The following GUK1 variants were observed in gnomAD, a reference collection of about 807,000 sequenced individuals.
GUK1 encodes the protein guanylate kinase.
Under a neutral mutation model 25.2 loss-of-function variants are expected in GUK1, and 18 were observed. The ratio of observed to expected loss-of-function variants is 0.71; its 90% CI spans 0.49 to 1.06. The LOEUF (loss-of-function observed/expected upper bound fraction) is 1.06, where lower values mean the gene tolerates loss of function less well. Ranked by LOEUF, GUK1 falls within the 50% of genes least tolerant of loss-of-function variation. GUK1 has a pLI of 0.00. For synonymous variants in GUK1, 105 were observed against 117.6 expected, an observed-to-expected ratio of 0.89 and a Z score of 0.69; for missense variants, 261 against 276.7, an observed-to-expected ratio of 0.94 and a Z score of 0.40.
rs528044624 is a variant in GUK1 at position 228,141,317 on chromosome 1, G to A, written c.-3+29G>A. On this transcript the variant is annotated intron_variant, in intron 2 of 8. Transcript: ENST00000312726. ...AAGGAATGTTCCTGTCCCCCCCGGG[G>A]AAAGAAAGTGAAAATGAAAGCGCCC... The A allele has an allele frequency of 3.4e-5, 32 of 954,064 alleles. No homozygotes were observed. In the African/African-American group the frequency reaches 5.3e-4, roughly 16 times the overall value. The allele number at this position is 954,064 out of a possible 1,614,324, so 59.1% of individuals were successfully genotyped here.
At chr1:228,141,618 C>T in intron 2 of GUK1, 1 of 1,135,268 alleles carries the variant, frequency 8.8e-7, no homozygotes, top group Non-Finnish European at 1.1e-6. Context: ...GGTGGTGACT[C>T]TGTTCAGTCC....
Position 228,148,673 on chromosome 1 carries a change from G to C in GUK1, c.570G>C (p.Lys190Asn), listed in dbSNP as rs1426528349. 11 of 1,590,668 alleles carry C rather than the reference G, an allele frequency of 6.9e-6. No individual in the cohort carries two copies. The highest frequency in any genetic ancestry group is 9.4e-6 in the Non-Finnish European group (11 of 1,166,614). Residue 190 changes from lysine to asparagine, a missense_variant, in exon 9 of 9, where the codon AAG (lysine) becomes AAC (asparagine). Lys to Asn is a moderately conservative substitution (Grantham distance 94). Transcript: ENST00000312726. Reference sequence around the variant, plus strand: ...TTCTTCCTCACTGGCAGGAAATCAAGAAAGCTCAAAGGACCGGCGCCTGAG... The same window carrying C: ...TTCTTCCTCACTGGCAGGAAATCAACAAAGCTCAAAGGACCGGCGCCTGAG...
rs776681463 is a variant in GUK1 at position 228,147,500 on chromosome 1, C to T, written c.346C>T (p.Arg116Trp). 18 of 1,613,098 alleles carry T rather than the reference C, an allele frequency of 1.1e-5. No individual in the cohort carries two copies. The highest frequency in any genetic ancestry group is 5.5e-5 in the South Asian group (5 of 91,084). The change falls in exon 6 of 9, where the codon CGG (arginine) becomes TGG (tryptophan). Residue 116 changes from arginine (R) to tryptophan (W), a missense_variant. Arg to Trp is a moderately radical substitution (Grantham distance 101). Coordinates refer to ENST00000312726, the MANE Select transcript of GUK1 (RefSeq NM_000858.7). ...GCGGAACATCAAGGCCACCGATCTG[C>T]GGCCCATCTACATCTCTGTGCAGCC...
Position 228,148,403 on chromosome 1 carries a change from A to C in GUK1, c.508A>C (p.Ile170Leu), listed in dbSNP as rs186238479. 6.4e-7 allele frequency: 1 copy of C among 1,558,722 alleles called. No individual in the cohort carries two copies. Among genetic ancestry groups the C allele is most frequent in the Non-Finnish European group, 8.7e-7 (1 of 1,147,874 alleles). ...GCCCGGCCTGTTTGATGTGGTCATC[A>C]TTAACGACAGCCTGGACCAGGCCTA... The change falls in exon 8 of 9, where the codon ATT becomes CTT. Residue 170 changes from isoleucine to leucine, a missense_variant. Ile to Leu is a conservative substitution (Grantham distance 5). Coordinates refer to ENST00000312726, the MANE Select transcript of GUK1 (RefSeq NM_000858.7).
chr1:228,146,152 C>A, intron 4 of GUK1, 85 bp downstream of exon 3: 1 of 874,110 alleles, frequency 1.1e-6, no homozygotes, highest in African/African-American at 1.6e-5. Flanking sequence ...CTGTGCTGCC[C>A]GTCTCCTGCC....
intron 7 of GUK1, among the ~76,000 whole-genome samples, 199 bp downstream of exon 6, chr1:228,147,898 T>C (rs1241234347): frequency 1.3e-5 from 2 of 151,658 alleles, no homozygotes; most frequent in Admixed American, 1.3e-4. Flanking sequence ...ACCAAGGGTC[T>C]CATTGAGGGT....
Position 228,147,513 on chromosome 1 carries a change from T to G in GUK1, c.359T>G (p.Ile120Ser). 6.2e-7 allele frequency: 1 copy of G among 1,613,270 alleles called. No homozygotes were observed. The highest frequency in any genetic ancestry group is 8.5e-7 in the Non-Finnish European group (1 of 1,179,942). The change falls in exon 6 of 9, where the codon ATC (isoleucine) becomes AGC (serine). Residue 120 changes from isoleucine to serine, a missense_variant. Ile to Ser is a moderately radical substitution (Grantham distance 142). Coordinates refer to ENST00000312726, the MANE Select transcript of GUK1 (RefSeq NM_000858.7). The stretch of plus-strand genomic sequence containing the variant: ...GCCACCGATCTGCGGCCCATCTACA[T>G]CTCTGTGCAGCCGCCTTCACTGCAC...
In GUK1 at chr1:228,141,204, A is replaced by C; in HGVS notation, c.-87A>C. On this transcript the variant is annotated 5_prime_UTR_variant, in exon 2 of 9. Transcript: ENST00000312726. Reference sequence around the variant, plus strand: ...CGGTTTTTCTTTCTCCCTGATGGACAGACCCAAACATAGCCGCGCAGCATC... The same window carrying C: ...CGGTTTTTCTTTCTCCCTGATGGACCGACCCAAACATAGCCGCGCAGCATC... 10 of 985,004 alleles carry C rather than the reference A, an allele frequency of 1.0e-5. No individual in the cohort carries two copies. Among genetic ancestry groups the C allele is most frequent in the Non-Finnish European group, 9.6e-6 (8 of 829,498 alleles). The allele number at this position is 985,004 out of a possible 1,614,324, so 61.0% of individuals were successfully genotyped here.
At chr1:228,148,641 A>T (rs190651170) in intron 8 of GUK1, 24 bp from the exon 8 acceptor site, 1 of 1,581,250 alleles carries the variant, frequency 6.3e-7, no homozygotes, top group Non-Finnish European at 8.6e-7. Flanking sequence ...AGCCCTCCCA[A>T]CTCCCTTTCT....
In GUK1 at chr1:228,147,294, A is replaced by G. The variant is rs1345134791; in HGVS notation, c.252-112A>G. The stretch of plus-strand genomic sequence containing the variant: ...CGGGTGCTGGGTCCAGGCCAGGCCT[A>G]GGCTCAGCTGTGGGAGGAGAACGCT... On this transcript the variant is annotated intron_variant, in intron 5 of 8. Coordinates refer to ENST00000312726, the MANE Select transcript of GUK1 (RefSeq NM_000858.7). 4 of 1,040,354 alleles carry G rather than the reference A, an allele frequency of 3.8e-6. No homozygotes were observed. The African/African-American group carries it at 6.3e-5, about 16-fold the overall frequency. 64.4% of individuals were successfully genotyped at this position (1,040,354 alleles called of 1,614,324 possible).
At chr1:228,140,089 G>T, upstream of GUK1, 2 of 545,134 alleles carry the variant, frequency 3.7e-6, no homozygotes, top group Non-Finnish European at 6.4e-6. Context: ...GGCTGGGAGG[G>T]CGCTGTGCTG....
At chr1:228,140,751 T>TG (rs1558109684) in intron 1 of GUK1, among the ~76,000 whole-genome samples, 1 of 152,182 alleles carries the variant, frequency 6.6e-6, no homozygotes, top group Admixed American at 6.5e-5. Context: ...CTGCAAGCCT[T>TG]GGGGTCCTGG....
chr1:228,145,973 G>A (rs1558113072), intron 3 of GUK1, 53 bp from the exon 3 acceptor site: 1 of 1,346,014 alleles, frequency 7.4e-7, no homozygotes, highest in Admixed American at 1.7e-5. Context: ...GAAACGCTGG[G>A]TGGGGCATTG....
In GUK1 at chr1:228,140,474, C is replaced by T. The variant is rs1178071028; in HGVS notation, c.-168+111C>T. 5.3e-6 allele frequency: 4 copies of T among 753,734 alleles called. No homozygotes were observed. The Admixed American group carries it at 1.0e-4, about 19-fold the overall frequency. The allele number at this position is 753,734 out of a possible 1,614,324, so 46.7% of individuals were successfully genotyped here. A position where few individuals can be genotyped will look rare whatever the true frequency, so the allele number is the denominator to read the frequency against. ...CCTCCGGATCTCCTCCTAGCCGAGA[C>T]GCCCTGTGCCGCATTCAACTGTGGG... is the stretch of plus-strand genomic sequence containing the variant. On this transcript the variant is annotated intron_variant, in intron 1 of 8. Coordinates refer to ENST00000312726, the MANE Select transcript of GUK1 (RefSeq NM_000858.7).
chr1:228,148,343 G>A, intron 7 of GUK1, 28 bp from the exon 7 acceptor site: 2 of 1,524,892 alleles, frequency 1.3e-6, no homozygotes, highest in Non-Finnish European at 1.8e-6. Context: ...TGGGCTCACT[G>A]TGCCCTGACC....
intron 2 of GUK1, among the ~76,000 whole-genome samples, chr1:228,144,146 G>T (rs775793955): frequency 6.6e-6 from 1 of 152,168 alleles, no homozygotes; most frequent in Non-Finnish European, 1.5e-5. Flanking sequence ...GCATACCTTT[G>T]TGCCTGGGAG....
intron 1 of GUK1, 58 bp downstream of exon 1, chr1:228,140,421 G>A (rs2033977377): frequency 8.0e-7 from 1 of 1,252,990 alleles, no homozygotes; most frequent in Non-Finnish European, 1.1e-6. Context: ...AGCGGTCCCT[G>A]CGCTTTGCGG....
At chr1:228,141,711 C>T in intron 2 of GUK1, 2 of 1,312,184 alleles carry the variant, frequency 1.5e-6, no homozygotes, top group Non-Finnish European at 2.0e-6. Context: ...GCTGGGGCAG[C>T]ATGGGAGCCC....
chr1:228,144,611 C>T (rs1167076148), intron 2 of GUK1: 9 of 488,430 alleles, frequency 1.8e-5, no homozygotes, highest in Non-Finnish European at 2.4e-5. Flanking sequence ...CAGGGCCAGG[C>T]CCCCTGGGGA....
Sources: allele counts gnomAD v4.1 joint callset (sites outside exome capture counted in the v4.1 genomes callset), GRCh38; gene constraint gnomAD v4.1.1; transcripts MANE v1.5; gene names NCBI Gene and HGNC (gene_info 2026-07-23, HGNC 2026-07-21).